RBMS1: variants seen among roughly 807,000 people sequenced by gnomAD.
RBMS1 encodes the protein RNA binding motif single stranded interacting protein 1, also known as RNA-binding motif, single-stranded-interacting protein 1.
Under a neutral mutation model 62.3 loss-of-function variants are expected in RBMS1, and 17 were observed. The ratio of observed to expected loss-of-function variants is 0.27; its 90% CI spans 0.19 to 0.41. The LOEUF (loss-of-function observed/expected upper bound fraction) is 0.41. Ranked by LOEUF, RBMS1 falls within the 10% of genes least tolerant of loss-of-function variation. RBMS1 has a pLI of 1.00. For synonymous variants in RBMS1, 172 were observed against 170.0 expected (o/e 1.01, Z -0.09); for missense variants, 334 against 504.5 (o/e 0.66, Z 3.24).
At chr2:160,304,948 G>A (rs1026662103) in intron 4 of RBMS1, among the ~76,000 whole-genome samples, 1 of 152,016 alleles carries the variant, frequency 6.6e-6, no homozygotes, top group Non-Finnish European at 1.5e-5. Context: ...TCTGCCTCCC[G>A]GGTTCAAGCG....
rs1476405214 is a variant in RBMS1, at chr2:160,476,705, C to T, written c.75+16584G>A. On this transcript the variant is annotated intron_variant, in intron 1 of 13. Transcript: ENST00000348849. ...AAGTAGCTGGGACTACAGGCGCCCG[C>T]CACTACGCCCGGCTAATTTTTTGTA... Among the ~76,000 whole-genome samples, 5 of 151,546 alleles carry T rather than the reference C, an allele frequency of 3.3e-5. No homozygotes were observed. The East Asian group carries it at 7.7e-4, about 23-fold the overall frequency.
chr2:160,347,569 G>A (rs1463432532), intron 2 of RBMS1, among the ~76,000 whole-genome samples: 1 of 152,098 alleles, frequency 6.6e-6, no homozygotes, highest in Non-Finnish European at 1.5e-5. Flanking sequence ...CAAGACAGTA[G>A]TAGAACTAAT....
Position 160,493,367 on chromosome 2 carries a change from G to A in RBMS1, c.-4C>T, listed in dbSNP as rs976792119. On this transcript the variant is annotated 5_prime_UTR_variant, in exon 1 of 14. Transcript: ENST00000348849. ...GCTGTTTCCACACTTTGCCCATGAA[G>A]CTGGAAGGGAGCCTGCCGTGCAGGG... 1 of 1,613,170 alleles carries A rather than the reference G, an allele frequency of 6.2e-7. No homozygotes were observed. The highest frequency in any genetic ancestry group is 8.5e-7 in the Non-Finnish European group (1 of 1,179,412).
chr2:160,478,367 A>G (rs1019518509), intron 1 of RBMS1, among the ~76,000 whole-genome samples: 1 of 152,242 alleles, frequency 6.6e-6, no homozygotes, highest in Admixed American at 6.5e-5. Context: ...CTACAATTGT[A>G]CCTTGCTTTT....
intron 6 of RBMS1, among the ~76,000 whole-genome samples, chr2:160,291,697 G>A (rs1012869194): frequency 3.3e-5 from 5 of 151,974 alleles, no homozygotes; most frequent in Admixed American, 1.3e-4. Context: ...TTGTAATATC[G>A]TCATGTTACA....
At chr2:160,305,442 A>G (rs1689448132) in intron 4 of RBMS1, among the ~76,000 whole-genome samples, 1 of 152,228 alleles carries the variant, frequency 6.6e-6, no homozygotes, top group Non-Finnish European at 1.5e-5. Flanking sequence ...GATGTTGTAC[A>G]GGTTAGTAGC....
chr2:160,322,469 G>A (rs570713879), intron 2 of RBMS1, among the ~76,000 whole-genome samples: 1 of 152,342 alleles, frequency 6.6e-6, no homozygotes, highest in South Asian at 2.1e-4. Flanking sequence ...AGTAGAAAAA[G>A]AGTGATTTCT....
intron 2 of RBMS1, among the ~76,000 whole-genome samples, chr2:160,326,763 G>T (rs1573866572): frequency 1.3e-5 from 2 of 152,258 alleles, no homozygotes; most frequent in East Asian, 1.9e-4. Flanking sequence ...AGACGGAGGG[G>T]GTGAATGGAA....
At chr2:160,323,274 G>A (rs768732129) in intron 2 of RBMS1, among the ~76,000 whole-genome samples, 18 of 151,480 alleles carry the variant, frequency 1.2e-4, no homozygotes, top group African/African-American at 2.2e-4. Flanking sequence ...TTAGAAGATC[G>A]AGACCAGCCT....
At chr2:160,472,541 T>C (rs1473294510) in intron 1 of RBMS1, among the ~76,000 whole-genome samples, 1 of 152,222 alleles carries the variant, frequency 6.6e-6, no homozygotes, top group East Asian at 1.9e-4. Flanking sequence ...TAATCGATAA[T>C]ATTGTTGCCT....
intron 6 of RBMS1, among the ~76,000 whole-genome samples, chr2:160,288,789 G>C (rs533953200): frequency 6.6e-5 from 10 of 152,242 alleles, no homozygotes; most frequent in East Asian, 3.9e-4. Context: ...TTTATCTAGA[G>C]GGTTTATGAA....
rs954588481 is a variant in RBMS1 at position 160,347,570 on chromosome 2, T to C, written c.251+19646A>G. Among the ~76,000 whole-genome samples the C allele has an allele frequency of 5.3e-5, 8 of 152,178 alleles. No individual in the cohort carries two copies. The South Asian group carries it at 1.2e-3, about 24-fold the overall frequency. On this transcript the variant is annotated intron_variant, in intron 2 of 13. Coordinates refer to ENST00000348849, the MANE Select transcript of RBMS1 (RefSeq NM_016836.4). Reference sequence around the variant, plus strand: ...AATGGTGGTGAACACAAGACAGTAGTAGAACTAATCAGTTTTCTCATCGAA... The same window carrying C: ...AATGGTGGTGAACACAAGACAGTAGCAGAACTAATCAGTTTTCTCATCGAA...
chr2:160,323,508 A>G lies in RBMS1; in HGVS notation c.252-5281T>C, dbSNP rs73000624. ...AAAATCACTGTTACGGAATAGGGACATATGATGTACTAGGAGAAACAGGTC... is the reference window on the plus strand; with the variant it reads ...AAAATCACTGTTACGGAATAGGGACGTATGATGTACTAGGAGAAACAGGTC... On this transcript the variant is annotated intron_variant, in intron 2 of 13. Coordinates refer to ENST00000348849, the MANE Select transcript of RBMS1 (RefSeq NM_016836.4). Among the ~76,000 whole-genome samples, 664 of 151,610 alleles carry G rather than the reference A, an allele frequency of 4.4e-3. 2 individuals are homozygous for G. The highest frequency in any genetic ancestry group is 0.015 in the African/African-American group (637 of 41,398).
intron 4 of RBMS1, among the ~76,000 whole-genome samples, chr2:160,308,686 G>A (rs568810834): frequency 2.6e-4 from 40 of 152,312 alleles, no homozygotes; most frequent in Admixed American, 1.9e-3. Context: ...CTCTGAACCT[G>A]AGTACTGGTC....
chr2:160,451,759 C>T (rs1684003521), intron 1 of RBMS1, among the ~76,000 whole-genome samples: 1 of 151,984 alleles, frequency 6.6e-6, no homozygotes, highest in Non-Finnish European at 1.5e-5. Context: ...CAGGTGTGCG[C>T]CACCACTCCC....
At chr2:160,448,394 GC>G (rs1683765155) in intron 1 of RBMS1, among the ~76,000 whole-genome samples, 1 of 150,768 alleles carries the variant, frequency 6.6e-6, no homozygotes, top group African/African-American at 2.4e-5. Flanking sequence ...CAACCTCCCT[GC>G]CTAATTCTCC....
intron 1 of RBMS1, among the ~76,000 whole-genome samples, chr2:160,402,742 C>A (rs1394213347): frequency 2.0e-5 from 3 of 152,134 alleles, no homozygotes; most frequent in Admixed American, 2.0e-4. Flanking sequence ...CAGACACAGC[C>A]CTTGACTCCA....
Position 160,479,460 on chromosome 2 carries a change from A to G in RBMS1, c.75+13829T>C, listed in dbSNP as rs372892860. ...CTGCCAGGTGACCTCAGACAGAGTG[A>G]CCATTACTGATTCCTGTTCAGACAC... On this transcript the variant is annotated intron_variant, in intron 1 of 13. Coordinates refer to ENST00000348849, the MANE Select transcript of RBMS1 (RefSeq NM_016836.4). 2.0e-5 allele frequency among the ~76,000 whole-genome samples: 3 copies of G among 152,330 alleles called. No individual in the cohort carries two copies. The East Asian group carries it at 5.8e-4, about 29-fold the overall frequency.
At chr2:160,395,428 T>C (rs1461698457) in intron 1 of RBMS1, among the ~76,000 whole-genome samples, 2 of 151,938 alleles carry the variant, frequency 1.3e-5, no homozygotes, top group Non-Finnish European at 2.9e-5. Context: ...ATCGAGACCA[T>C]CCTGGCTAAC....
Sources: gnomAD v4.1 joint callset for allele counts (sites outside exome capture counted in the v4.1 genomes callset) on GRCh38, gnomAD v4.1.1 for gene constraint, MANE v1.5 for transcripts, NCBI Gene and HGNC (gene_info 2026-07-23, HGNC 2026-07-21) for gene names.